Variants in SHPRH observed in about 807,000 individuals in gnomAD.
SHPRH encodes the protein E3 ubiquitin-protein ligase SHPRH.
Under a neutral mutation model 202.5 loss-of-function variants are expected in SHPRH, and 106 were observed. That is an observed-to-expected ratio of 0.52 (90% CI 0.45 to 0.62). The LOEUF is 0.62. Ranked by LOEUF, SHPRH falls within the 20% of genes least tolerant of loss-of-function variation. The pLI is 0.00. For missense variants in SHPRH, 1,710 were observed against 2,020.0 expected (o/e 0.85, Z 2.94); for synonymous variants, 729 against 686.0 (o/e 1.06, Z -0.98).
chr6:145,927,335 C>T, intron 14 of SHPRH, 58 bp from the exon 15 acceptor site: 1 of 1,393,672 alleles, frequency 7.2e-7, no homozygotes, highest in Admixed American at 1.8e-5. Context: ...TTCCCAATGT[C>T]ATCTAGTTGT....
intron 24 of SHPRH, among the ~76,000 whole-genome samples, chr6:145,912,498 ATAC>A (rs1379674406): frequency 6.6e-6 from 1 of 152,108 alleles, no homozygotes; most frequent in Non-Finnish European, 1.5e-5. Context: ...AAAGCAAAAA[ATAC>A]TACTTTATGT....
At chr6:145,934,438 C>T (rs1177517183) in intron 13 of SHPRH, among the ~76,000 whole-genome samples, 1 of 143,540 alleles carries the variant, frequency 7.0e-6, no homozygotes, top group Non-Finnish European at 1.5e-5. Flanking sequence ...TGCACTCCAG[C>T]CTGGGCAACA....
chr6:145,918,025 C>G, intron 23 of SHPRH, 106 bp downstream of exon 23: 3 of 761,996 alleles, frequency 3.9e-6, no homozygotes, highest in Non-Finnish European at 6.3e-6. Context: ...TCATATAACA[C>G]CAAATACTAA....
At position 145,943,566 on chromosome 6, in the gene SHPRH, G is replaced by GCA; in HGVS notation, c.1814_1815insTG (p.Asp606AlafsTer5). On this transcript the variant is annotated frameshift_variant, in exon 9 of 30. Transcript: ENST00000275233. LOFTEE classifies it high-confidence loss of function. ...TAGCAACATCAGTTATTCCAGAGTCGCTAGTAGCTGGACAGTGACCTTGTG... is the reference window on the plus strand; with the variant it reads ...TAGCAACATCAGTTATTCCAGAGTCGCACTAGTAGCTGGACAGTGACCTTGTG... The GCA allele has an allele frequency of 1.2e-6, 2 of 1,613,932 alleles. No homozygotes were observed. Among genetic ancestry groups the GCA allele is most frequent in the Non-Finnish European group, 1.7e-6 (2 of 1,179,916 alleles).
At chr6:145,940,830 T>C (rs761397860) in intron 10 of SHPRH, 29 bp from the exon 11 acceptor site, 1 of 1,610,466 alleles carries the variant, frequency 6.2e-7, no homozygotes, top group Non-Finnish European at 8.5e-7. Flanking sequence ...GAAATAAAAA[T>C]GAAATCCAGA....
At chr6:145,946,625 G>A (rs1787408084) in intron 6 of SHPRH, among the ~76,000 whole-genome samples, 1 of 151,862 alleles carries the variant, frequency 6.6e-6, no homozygotes, top group Non-Finnish European at 1.5e-5. Flanking sequence ...TTAACCCATT[G>A]AATTTATAAT....
chr6:145,858,246 A>G, the SHPRH span, among the ~76,000 whole-genome samples: 2 of 152,162 alleles, frequency 1.3e-5, no homozygotes, highest in African/African-American at 4.8e-5. Flanking sequence ...TTATGTTTAC[A>G]CAAAGACTTA....
chr6:145,858,082 TGAA>T, the SHPRH span, among the ~76,000 whole-genome samples: 1 of 152,134 alleles, frequency 6.6e-6, no homozygotes, highest in Non-Finnish European at 1.5e-5. Flanking sequence ...GGTGAGGATG[TGAA>T]GAAATGGGAA....
intron 26 of SHPRH, 152 bp from the exon 27 acceptor site, chr6:145,894,388 A>G (rs1781824537): frequency 6.6e-6 from 3 of 455,534 alleles, no homozygotes; most frequent in Non-Finnish European, 1.1e-5. Context: ...CATCCATATT[A>G]TTTAGCTCTA....
chr6:145,879,910 CAAAAAAAAA>C (rs67055862), downstream of SHPRH, among the ~76,000 whole-genome samples: 4 of 61,112 alleles, frequency 6.5e-5, no homozygotes, highest in Admixed American at 4.5e-4. Flanking sequence ...AACTCAATCT[CAAAAAAAAA>C]AAAAAAAAAA....
intron 2 of SHPRH, chr6:145,877,078 G>A (rs1780337119): frequency 1.3e-5 from 2 of 152,180 alleles, no homozygotes; most frequent in African/African-American, 4.8e-5. Flanking sequence ...ATACCTAGGA[G>A]TAGAAATGTT....
At chr6:145,883,926 C>T (rs1234812669), downstream of SHPRH, 2 of 152,014 alleles carry the variant, frequency 1.3e-5, no homozygotes, top group East Asian at 1.9e-4. Flanking sequence ...TCGACTTAAG[C>T]CTGAGGTTAT....
intron 14 of SHPRH, among the ~76,000 whole-genome samples, chr6:145,931,131 T>C (rs1176560252): frequency 1.3e-5 from 2 of 152,132 alleles, no homozygotes; most frequent in African/African-American, 2.4e-5. Context: ...AAATATAAAG[T>C]AGGTTTCTTA....
chr6:145,952,950 C>A (rs765746431), intron 2 of SHPRH, among the ~76,000 whole-genome samples: 2 of 151,908 alleles, frequency 1.3e-5, no homozygotes, highest in Admixed American at 6.6e-5. Flanking sequence ...ATATTTTGAC[C>A]CTAGTGAAGC....
intron 25 of SHPRH, among the ~76,000 whole-genome samples, chr6:145,900,586 G>A (rs1458630179): frequency 6.6e-6 from 1 of 152,052 alleles, no homozygotes; most frequent in East Asian, 1.9e-4. Flanking sequence ...ACAGCATGGT[G>A]ACTACAGTAC....
At chr6:145,941,989 T>A in intron 9 of SHPRH, 115 bp from the exon 10 acceptor site, 1 of 1,256,276 alleles carries the variant, frequency 8.0e-7, no homozygotes, top group East Asian at 2.4e-5. Context: ...GCATTCATGC[T>A]ATGAGACAGA....
intron 2 of SHPRH, among the ~76,000 whole-genome samples, chr6:145,873,008 G>A (rs964800966): frequency 2.6e-5 from 4 of 152,142 alleles, no homozygotes; most frequent in Non-Finnish European, 5.9e-5. Context: ...ACATGGCGGG[G>A]AACAACACAC....
intron 2 of SHPRH, chr6:145,876,575 G>A (rs748687118): frequency 2.6e-5 from 4 of 152,132 alleles, no homozygotes; most frequent in Non-Finnish European, 5.9e-5. Flanking sequence ...TTTATCGTTT[G>A]ATAGGCATTT....
chr6:145,877,620 T>A (rs1351787069), intron 2 of SHPRH: 1 of 152,210 alleles, frequency 6.6e-6, no homozygotes, highest in East Asian at 1.9e-4. Flanking sequence ...TCCCCTTTTA[T>A]TTTCTTTCCT....
Sources: gnomAD v4.1 joint callset for allele counts (sites outside exome capture counted in the v4.1 genomes callset) on GRCh38, gnomAD v4.1.1 for gene constraint, MANE v1.5 for transcripts, NCBI Gene and HGNC (gene_info 2026-07-23, HGNC 2026-07-21) for gene names.